Variants in DMTF1 observed in about 807,000 individuals in gnomAD.
DMTF1 encodes cyclin-D-binding Myb-like transcription factor 1.
DMTF1 carries 39 observed loss-of-function variants against 91.1 expected under a neutral mutation model. That is an observed-to-expected ratio of 0.43 (90% CI 0.33 to 0.56). DMTF1 has a LOEUF of 0.56. Ranked by LOEUF, DMTF1 falls within the 20% of genes least tolerant of loss-of-function variation. DMTF1 has a pLI of 0.05. For missense variants in DMTF1, 750 were observed against 914.5 expected (o/e 0.82, Z 2.32); for synonymous variants, 338 against 309.5 (o/e 1.09, Z -0.97).
chr7:87,186,934 T>G (rs1253049657), intron 12 of DMTF1: 1 of 152,226 alleles, frequency 6.6e-6, no homozygotes, highest in Non-Finnish European at 1.5e-5. Flanking sequence ...TTGTGAGTTG[T>G]ATAATTTCAA....
intron 4 of DMTF1, among the ~76,000 whole-genome samples, chr7:87,166,918 C>T (rs1793958498): frequency 1.3e-5 from 2 of 151,500 alleles, no homozygotes; most frequent in Admixed American, 1.3e-4. Flanking sequence ...GCTTGTATTT[C>T]TTAATGTACT....
rs1325749348 is a variant in DMTF1, at chr7:87,194,300, C to CT, written c.2028+200dup. 9 of 583,606 alleles carry CT rather than the reference C, an allele frequency of 1.5e-5. No individual in the cohort carries two copies. The East Asian group carries it at 2.7e-4, about 17-fold the overall frequency. The allele number at this position is 583,606 out of a possible 1,614,324, so 36.2% of individuals were successfully genotyped here. On this transcript the variant is annotated intron_variant, in intron 16 of 17. Transcript: ENST00000331242. ...GAAGAATAAGAAAACCATGTTCTAT[C>CT]TTACCACAGTTCCTCACTAAAACTT...
At chr7:87,155,017 T>C (rs1790309744) in intron 1 of DMTF1, among the ~76,000 whole-genome samples, 1 of 152,218 alleles carries the variant, frequency 6.6e-6, no homozygotes, top group Admixed American at 6.5e-5. Context: ...AAATAACATC[T>C]CATTATTTTA....
At position 87,194,450 on chromosome 7, in the gene DMTF1, T is replaced by C. The variant is rs182389505; in HGVS notation, c.2029-234T>C. 1.0e-5 allele frequency: 5 copies of C among 487,074 alleles called. No individual in the cohort carries two copies. The Admixed American group carries it at 1.9e-4, about 18-fold the overall frequency. The allele number at this position is 487,074 out of a possible 1,614,324, so 30.2% of individuals were successfully genotyped here. On this transcript the variant is annotated intron_variant, in intron 16 of 17. Transcript: ENST00000331242. Reference sequence around the variant, plus strand: ...CATCCTACACTGTAACAGCATTGTTTCTTCTGTTATATTCAGCTGACCTAT... The same window carrying C: ...CATCCTACACTGTAACAGCATTGTTCCTTCTGTTATATTCAGCTGACCTAT...
chr7:87,190,322 A>G (rs1004102617), intron 13 of DMTF1, among the ~76,000 whole-genome samples: 1 of 152,034 alleles, frequency 6.6e-6, no homozygotes, highest in Non-Finnish European at 1.5e-5. Flanking sequence ...AAAATACCTG[A>G]ACATTAGTTT....
chr7:87,164,652 T>C (rs958943530), intron 2 of DMTF1, among the ~76,000 whole-genome samples: 4 of 152,346 alleles, frequency 2.6e-5, no homozygotes, highest in Admixed American at 6.5e-5. Context: ...GGATTCTCTT[T>C]TGTTGGATGT....
At chr7:87,152,692 T>A (rs1789460239) in intron 1 of DMTF1, 137 bp downstream of exon 1, 1 of 152,632 alleles carries the variant, frequency 6.6e-6, no homozygotes, top group African/African-American at 2.4e-5. Flanking sequence ...GCGGGCGGGG[T>A]CGGAGCCTGG....
chr7:87,154,549 CTTTCT>C (rs1790179284), intron 1 of DMTF1: 1 of 152,592 alleles, frequency 6.6e-6, no homozygotes, highest in Non-Finnish European at 1.5e-5. Context: ...GGCATTGCAT[CTTTCT>C]TAGAACTTTA....
At chr7:87,184,302 A>G (rs892172200) in intron 10 of DMTF1, 95 bp from the exon 11 acceptor site, 8 of 1,147,072 alleles carry the variant, frequency 7.0e-6, no homozygotes, top group Non-Finnish European at 9.9e-6. Flanking sequence ...TCTTAGTACT[A>G]TTGCTTACTT....
chr7:87,162,809 A>G (rs930056213), intron 1 of DMTF1: 1 of 105,636 alleles, frequency 9.5e-6, no homozygotes, highest in Non-Finnish European at 1.9e-5. Context: ...ACCTCAAATC[A>G]TGTGCTTTTT....
At chr7:87,155,971 G>A (rs1790602067) in intron 1 of DMTF1, among the ~76,000 whole-genome samples, 1 of 152,164 alleles carries the variant, frequency 6.6e-6, no homozygotes, top group African/African-American at 2.4e-5. Context: ...TATCAGAAAT[G>A]CTCATTAGGT....
At chr7:87,173,233 T>C (rs145679975) in intron 5 of DMTF1, among the ~76,000 whole-genome samples, 393 of 152,326 alleles carry the variant, frequency 2.6e-3, no homozygotes, top group African/African-American at 8.7e-3. Context: ...AAATACTTAA[T>C]GGACTCTTGG....
At chr7:87,186,096 T>TA (rs1798355567) in intron 12 of DMTF1, 116 bp downstream of exon 12, 1 of 1,072,992 alleles carries the variant, frequency 9.3e-7, no homozygotes, top group Non-Finnish European at 1.4e-6. Context: ...GATTTCTACT[T>TA]ACACCACTTC....
At chr7:87,170,863 T>G in intron 4 of DMTF1, 132 bp from the exon 5 acceptor site, 1 of 649,128 alleles carries the variant, frequency 1.5e-6, no homozygotes, top group East Asian at 2.8e-5. Context: ...AATGAATGTA[T>G]GTATGTGAAG....
intron 1 of DMTF1, chr7:87,152,882 C>G (rs1211013156): frequency 6.5e-6 from 1 of 154,866 alleles, no homozygotes; most frequent in East Asian, 1.9e-4. Flanking sequence ...GGCGCCGGGA[C>G]CCCTGGGGGG....
intron 10 of DMTF1, among the ~76,000 whole-genome samples, chr7:87,184,188 ATTCT>A (rs1318647440): frequency 6.6e-6 from 1 of 152,070 alleles, no homozygotes; most frequent in East Asian, 1.9e-4. Flanking sequence ...TTCCATTAGG[ATTCT>A]TTATTTTCTT....
At chr7:87,157,185 C>T (rs1490764762) in intron 1 of DMTF1, among the ~76,000 whole-genome samples, 1 of 152,128 alleles carries the variant, frequency 6.6e-6, no homozygotes. Context: ...GACTGTTTCT[C>T]AGCCTGTGTT....
At chr7:87,169,304 CA>C (rs1737589375) in intron 4 of DMTF1, among the ~76,000 whole-genome samples, 1 of 151,682 alleles carries the variant, frequency 6.6e-6, no homozygotes, top group Admixed American at 6.6e-5. Flanking sequence ...ACAACGAATA[CA>C]AAAATTAGCT....
chr7:87,178,088 G>T (rs1255321089), intron 7 of DMTF1, among the ~76,000 whole-genome samples: 1 of 152,064 alleles, frequency 6.6e-6, no homozygotes, highest in African/African-American at 2.4e-5. Context: ...TATCTTCACA[G>T]TATGTCATCT....
Sources: gnomAD v4.1 joint callset for allele counts (sites outside exome capture counted in the v4.1 genomes callset) on GRCh38, gnomAD v4.1.1 for gene constraint, MANE v1.5 for transcripts, NCBI Gene and HGNC (gene_info 2026-07-23, HGNC 2026-07-21) for gene names.